The following COL11A1 variants were observed in gnomAD, a reference collection of about 807,000 sequenced individuals.
The protein encoded by COL11A1 is collagen alpha-1(XI) chain.
In COL11A1, 74 loss-of-function variants were observed where a neutral mutation model predicts 265.2. The ratio of observed to expected loss-of-function variants is 0.28; its 90% CI spans 0.23 to 0.34. The LOEUF (loss-of-function observed/expected upper bound fraction) is 0.34. Among genes scored for constraint, COL11A1 ranks in the 10% least tolerant of loss-of-function variants. The pLI is 1.00. For synonymous variants in COL11A1, 816 were observed against 727.6 expected (o/e 1.12, Z -1.96); for missense variants, 2,165 against 2,263.6 (o/e 0.96, Z 0.88).
At chr1:103,019,406 C>T (rs1182256822) in intron 9 of COL11A1, among the ~76,000 whole-genome samples, 3 of 151,964 alleles carry the variant, frequency 2.0e-5, no homozygotes, top group Admixed American at 2.0e-4. Context: ...ATTTATGATT[C>T]CACTCCATCT....
intron 2 of COL11A1, among the ~76,000 whole-genome samples, chr1:103,079,562 G>A (rs1672239969): frequency 6.6e-6 from 1 of 151,898 alleles, no homozygotes; most frequent in East Asian, 1.9e-4. Flanking sequence ...AAATATATCA[G>A]TTAAACAATT....
chr1:102,914,437 A>T, intron 51 of COL11A1, 32 bp from the exon 52 acceptor site: 1 of 1,559,580 alleles, frequency 6.4e-7, no homozygotes, highest in Non-Finnish European at 8.7e-7. Flanking sequence ...AAAAGAAATA[A>T]ATGAAAAATA....
At chr1:103,102,153 CA>C (rs1674330083) in intron 1 of COL11A1, among the ~76,000 whole-genome samples, 1 of 151,904 alleles carries the variant, frequency 6.6e-6, no homozygotes, top group Non-Finnish European at 1.5e-5. Context: ...TTACCTATAT[CA>C]ATAAAACCAT....
chr1:102,898,200 G>C, intron 56 of COL11A1, 22 bp from the exon 57 acceptor site: 1 of 1,218,824 alleles, frequency 8.2e-7, no homozygotes, highest in Non-Finnish European at 1.1e-6. Flanking sequence ...AAAAATGATT[G>C]ATTTTTAAAA....
chr1:103,001,025 C>A, intron 24 of COL11A1: 1 of 393,696 alleles, frequency 2.5e-6, no homozygotes, highest in Non-Finnish European at 4.5e-6. Context: ...ATGATTAAAT[C>A]ATAAATTTAT....
rs115524699 is a variant in COL11A1, at chr1:103,107,102, T to C, written c.106+971A>G. On this transcript the variant is annotated intron_variant, in intron 1 of 66. Transcript: ENST00000370096. Reference sequence around the variant, plus strand: ...CGGACCGCTCCAGCCAGATGCCTTTTCGGGAAAGGGCGGGGGAAAGAGGGA... The same window carrying C: ...CGGACCGCTCCAGCCAGATGCCTTTCCGGGAAAGGGCGGGGGAAAGAGGGA... Among the ~76,000 whole-genome samples, 114 of 152,296 alleles carry C rather than the reference T, an allele frequency of 7.5e-4. 1 individual carries two copies. The highest frequency in any genetic ancestry group is 2.5e-3 in the African/African-American group (106 of 41,572).
intron 28 of COL11A1, among the ~76,000 whole-genome samples, chr1:102,990,840 C>T (rs577304643): frequency 4.5e-4 from 69 of 151,922 alleles, no homozygotes; most frequent in Admixed American, 1.1e-3. Context: ...CGAGACCAGC[C>T]TGGCCAACAT....
At chr1:103,095,964 A>T (rs1673723274) in intron 1 of COL11A1, among the ~76,000 whole-genome samples, 1 of 152,098 alleles carries the variant, frequency 6.6e-6, no homozygotes, top group African/African-American at 2.4e-5. Flanking sequence ...CAGAGAAGTA[A>T]AAGTGAGGAT....
At chr1:102,961,775 A>C (rs1340939995) in intron 41 of COL11A1, 91 bp downstream of exon 41, 1 of 1,203,156 alleles carries the variant, frequency 8.3e-7, no homozygotes, top group Non-Finnish European at 1.2e-6. Flanking sequence ...TTTCTCTCCC[A>C]CACACTGTGG....
intron 4 of COL11A1, among the ~76,000 whole-genome samples, chr1:103,073,454 G>A (rs1671733462): frequency 6.6e-6 from 1 of 151,566 alleles, no homozygotes; most frequent in African/African-American, 2.4e-5. Context: ...TTATCATAAT[G>A]TGCATGCAAT....
intron 54 of COL11A1, among the ~76,000 whole-genome samples, chr1:102,901,379 C>T (rs1390217549): frequency 1.3e-5 from 2 of 151,822 alleles, no homozygotes; most frequent in African/African-American, 4.8e-5. Context: ...CAAGTCTGCT[C>T]CTTGTCCTTC....
At chr1:102,997,179 T>C (rs1019762832) in intron 25 of COL11A1, 55 bp from the exon 26 acceptor site, 2 of 1,395,406 alleles carry the variant, frequency 1.4e-6, no homozygotes. Flanking sequence ...TAGTTGATAA[T>C]ACTACGAAAG....
At chr1:102,904,431 A>G (rs1570681294) in intron 54 of COL11A1, among the ~76,000 whole-genome samples, 1 of 152,294 alleles carries the variant, frequency 6.6e-6, no homozygotes, top group East Asian at 1.9e-4. Context: ...ATCAGAGTGA[A>G]CAGGCAACCT....
intron 5 of COL11A1, among the ~76,000 whole-genome samples, chr1:103,029,984 C>A (rs1280549581): frequency 6.6e-6 from 1 of 151,972 alleles, no homozygotes. Flanking sequence ...TCTCATCAAC[C>A]TTGAAAATAT....
chr1:102,995,931 T>C (rs1270357440), intron 27 of COL11A1, 23 bp from the exon 28 acceptor site: 1 of 1,611,864 alleles, frequency 6.2e-7, no homozygotes, highest in Non-Finnish European at 8.5e-7. Flanking sequence ...TTAGAAGTAT[T>C]AAGTGAATAT....
intron 46 of COL11A1, among the ~76,000 whole-genome samples, chr1:102,930,128 G>T (rs1344893107): frequency 1.3e-5 from 2 of 152,148 alleles, no homozygotes; most frequent in Non-Finnish European, 2.9e-5. Context: ...TCAACACTAT[G>T]TTGAATAGGA....
At chr1:102,884,949 C>G (rs920500231) in intron 63 of COL11A1, among the ~76,000 whole-genome samples, 1 of 152,296 alleles carries the variant, frequency 6.6e-6, no homozygotes, top group South Asian at 2.1e-4. Flanking sequence ...TGTGTAACAG[C>G]TGGCCATAAA....
At chr1:102,907,763 C>T (rs1654164297) in intron 54 of COL11A1, among the ~76,000 whole-genome samples, 1 of 151,888 alleles carries the variant, frequency 6.6e-6, no homozygotes, top group Admixed American at 6.6e-5. Flanking sequence ...ATGCATGCAT[C>T]TGTAGTGCAT....
intron 1 of COL11A1, among the ~76,000 whole-genome samples, chr1:103,102,551 C>A (rs967120887): frequency 6.6e-6 from 1 of 152,052 alleles, no homozygotes; most frequent in Non-Finnish European, 1.5e-5. Flanking sequence ...TGCTGACCAA[C>A]GCTCAGTCCC....
Sources: gnomAD v4.1 joint callset for allele counts (sites outside exome capture counted in the v4.1 genomes callset) on GRCh38, gnomAD v4.1.1 for gene constraint, MANE v1.5 for transcripts, NCBI Gene and HGNC (gene_info 2026-07-23, HGNC 2026-07-21) for gene names.